The following STK33 variants were observed in gnomAD, a reference collection of about 807,000 sequenced individuals.
The protein encoded by STK33 is serine/threonine-protein kinase 33.
A neutral mutation model predicts 58.0 loss-of-function variants in STK33; 52 were observed. The observed-to-expected ratio is 0.90, with a 90% CI of 0.72 to 1.13. The LOEUF (loss-of-function observed/expected upper bound fraction) is 1.13, where lower values mean the gene tolerates loss of function less well. STK33 is among the 50% of genes most tolerant of loss of function. The probability of loss-of-function intolerance (pLI) is 0.00; values close to 1 mark genes in which losing one functional copy is unlikely to be tolerated. For synonymous variants in STK33, 215 were observed against 200.1 expected (o/e 1.07, Z -0.63); for missense variants, 630 against 604.2 (o/e 1.04, Z -0.45).
intron 11 of STK33, among the ~76,000 whole-genome samples, chr11:8,451,305 A>T (rs1219623208): frequency 6.6e-6 from 1 of 152,234 alleles, no homozygotes; most frequent in African/African-American, 2.4e-5. Flanking sequence ...AGCATTATTC[A>T]TAATAGCCAT....
chr11:8,587,256 T>A (rs796857193), intron 1 of STK33, among the ~76,000 whole-genome samples: 9 of 152,290 alleles, frequency 5.9e-5, no homozygotes, highest in African/African-American at 1.9e-4. Context: ...TTGAAAACAT[T>A]TTTCAATGGG....
chr11:8,383,328 A>G, the STK33 span, among the ~76,000 whole-genome samples: 12 of 152,318 alleles, frequency 7.9e-5, no homozygotes, highest in African/African-American at 2.6e-4. Flanking sequence ...CAGAAGGGCC[A>G]GTGAGCAGCA....
At chr11:8,341,078 G>A in the STK33 span, among the ~76,000 whole-genome samples, 14 of 148,628 alleles carry the variant, frequency 9.4e-5, no homozygotes, top group East Asian at 2.2e-3. Flanking sequence ...GGCTGGTCTC[G>A]AACTCATGAC....
intron 1 of STK33, among the ~76,000 whole-genome samples, chr11:8,562,472 C>G: frequency 6.6e-6 from 1 of 151,626 alleles, no homozygotes; most frequent in East Asian, 1.9e-4. Context: ...TGGCCCCCCA[C>G]TTTCAGTGAA....
chr11:8,474,786 C>T lies in STK33; in HGVS notation c.120G>A (p.Val40=), dbSNP rs770560646. 5.6e-6 allele frequency: 9 copies of T among 1,613,222 alleles called. No homozygotes were observed. The highest frequency in any genetic ancestry group is 6.8e-6 in the Non-Finnish European group (8 of 1,179,662). ...CAATGCTTGATGTCTGTGACATTTC[C>T]ACCACCAAAACTGGAGGAACCCTTG... ...SKTRVPPVLV[V]EMSQTSSIGS... Residue 40 remains valine (V), a synonymous_variant, in exon 5 of 16, where the codon GTG becomes GTA. Transcript: ENST00000687296.
At chr11:8,467,278 C>G (rs980774833) in intron 6 of STK33, 1 of 152,216 alleles carries the variant, frequency 6.6e-6, no homozygotes, top group African/African-American at 2.4e-5. Flanking sequence ...TTATGCTCTG[C>G]TTCCCTTATA....
chr11:8,523,170 G>A (rs1050378594), intron 1 of STK33, among the ~76,000 whole-genome samples: 14 of 152,170 alleles, frequency 9.2e-5, no homozygotes, highest in African/African-American at 3.4e-4. Context: ...TGCCTGCGAT[G>A]GCCTCCCAAA....
the STK33 span, among the ~76,000 whole-genome samples, chr11:8,373,256 G>A: frequency 1.3e-5 from 2 of 152,084 alleles, no homozygotes; most frequent in Non-Finnish European, 2.9e-5. Flanking sequence ...GCATTTCATC[G>A]GCCAAAGTGA....
chr11:8,427,656 C>T lies in STK33; in HGVS notation c.1146+7838G>A, dbSNP rs188677262. On this transcript the variant is annotated intron_variant, in intron 14 of 15. Coordinates refer to ENST00000687296, the MANE Select transcript of STK33 (RefSeq NM_001352389.2). ...TTTTCAACTTATTTATCCTCTCCTG[C>T]TCCCTTCTGTATAAAGTTCTACAAT... Among the ~76,000 whole-genome samples the T allele has an allele frequency of 2.6e-5, 4 of 152,222 alleles. No homozygotes were observed. The East Asian group carries it at 7.7e-4, about 29-fold the overall frequency.
At chr11:8,402,771 T>C (rs1938334418) in intron 15 of STK33, among the ~76,000 whole-genome samples, 1 of 152,074 alleles carries the variant, frequency 6.6e-6, no homozygotes, top group East Asian at 1.9e-4. Flanking sequence ...GTTCCTGGAG[T>C]GGGCAAGGCA....
At chr11:8,420,756 G>C (rs777995773) in intron 14 of STK33, among the ~76,000 whole-genome samples, 1 of 152,118 alleles carries the variant, frequency 6.6e-6, no homozygotes, top group Non-Finnish European at 1.5e-5. Flanking sequence ...CAGCACTTTG[G>C]GAGGATGAGG....
intron 1 of STK33, among the ~76,000 whole-genome samples, chr11:8,569,438 T>C (rs1234264949): frequency 7.9e-5 from 12 of 152,224 alleles, no homozygotes; most frequent in Admixed American, 7.9e-4. Flanking sequence ...CTTCAACTCC[T>C]ATCTCACACC....
At chr11:8,489,268 A>G (rs912029131) in intron 1 of STK33, among the ~76,000 whole-genome samples, 1 of 93,998 alleles carries the variant, frequency 1.1e-5, no homozygotes, top group East Asian at 3.3e-4. Flanking sequence ...AAAAAAAAAA[A>G]AAAGAAAAAA....
chr11:8,474,146 G>A (rs1183013620), intron 5 of STK33, among the ~76,000 whole-genome samples: 2 of 151,516 alleles, frequency 1.3e-5, no homozygotes, highest in African/African-American at 4.9e-5. Flanking sequence ...TTGCACTCCA[G>A]CCAGGGCAAC....
chr11:8,443,085 C>T (rs1944973822), intron 11 of STK33, among the ~76,000 whole-genome samples: 1 of 152,056 alleles, frequency 6.6e-6, no homozygotes, highest in African/African-American at 2.4e-5. Context: ...CATCCTATTG[C>T]AAGTAAACTA....
intron 6 of STK33, among the ~76,000 whole-genome samples, chr11:8,469,899 A>C (rs1423845102): frequency 3.3e-5 from 5 of 152,208 alleles, no homozygotes. Context: ...GTGGGCTTAA[A>C]ATTTCAGTAA....
At chr11:8,336,430 G>A in the STK33 span, among the ~76,000 whole-genome samples, 2 of 152,252 alleles carry the variant, frequency 1.3e-5, no homozygotes, top group Non-Finnish European at 2.9e-5. Context: ...ACGGGGAGAT[G>A]GAAAAGCTGA....
intron 1 of STK33, among the ~76,000 whole-genome samples, chr11:8,564,407 A>C (rs1451291392): frequency 6.6e-6 from 1 of 152,198 alleles, no homozygotes; most frequent in Non-Finnish European, 1.5e-5. Flanking sequence ...TCTGCTGAGA[A>C]GAGTTTGCCC....
chr11:8,405,933 G>A (rs901567029), intron 15 of STK33, among the ~76,000 whole-genome samples: 3 of 152,038 alleles, frequency 2.0e-5, no homozygotes, highest in Non-Finnish European at 2.9e-5. Flanking sequence ...ACGAGGTCAG[G>A]AGATCGAGAC....
Sources: gnomAD v4.1 joint callset for allele counts (sites outside exome capture counted in the v4.1 genomes callset) on GRCh38, gnomAD v4.1.1 for gene constraint, MANE v1.5 for transcripts, NCBI Gene and HGNC (gene_info 2026-07-23, HGNC 2026-07-21) for gene names.